Variants in LMX1A observed in about 807,000 individuals in gnomAD.
LMX1A encodes LIM homeobox transcription factor 1-alpha.
Under a neutral mutation model 49.1 loss-of-function variants are expected in LMX1A, and 15 were observed. The ratio of observed to expected loss-of-function variants is 0.31; its 90% CI spans 0.20 to 0.47. LMX1A has a LOEUF of 0.47. Among genes scored for constraint, LMX1A ranks in the 20% least tolerant of loss-of-function variants. The pLI is 1.00. For synonymous variants in LMX1A, 167 were observed against 185.7 expected, an observed-to-expected ratio of 0.90 and a Z score of 0.82; for missense variants, 372 against 475.8, an observed-to-expected ratio of 0.78 and a Z score of 2.03.
intron 4 of LMX1A, among the ~76,000 whole-genome samples, chr1:165,245,539 CT>C (rs1652817822): frequency 5.1e-5 from 1 of 19,570 alleles, no homozygotes; most frequent in East Asian, 4.7e-4. Flanking sequence ...AAGCTAATTA[CT>C]CTCCTCAAGA....
At chr1:165,251,975 G>T (rs543439085) in intron 3 of LMX1A, among the ~76,000 whole-genome samples, 1 of 152,198 alleles carries the variant, frequency 6.6e-6, no homozygotes, top group Non-Finnish European at 1.5e-5. Flanking sequence ...TGTTTAGCCC[G>T]CCCCTTCATA....
chr1:165,317,362 G>A (rs958935019), intron 3 of LMX1A, among the ~76,000 whole-genome samples: 2 of 152,206 alleles, frequency 1.3e-5, no homozygotes, highest in Non-Finnish European at 2.9e-5. Context: ...GCAGCAGGAT[G>A]AATAAATTGC....
chr1:165,286,730 C>T (rs962760224), intron 3 of LMX1A, among the ~76,000 whole-genome samples: 2 of 152,080 alleles, frequency 1.3e-5, no homozygotes, highest in Admixed American at 6.6e-5. Flanking sequence ...GTAAATTACC[C>T]GAAATCATAT....
intron 3 of LMX1A, among the ~76,000 whole-genome samples, chr1:165,318,719 T>A (rs1053985622): frequency 6.6e-6 from 1 of 152,078 alleles, no homozygotes; most frequent in African/African-American, 2.4e-5. Flanking sequence ...GGCCCTACAC[T>A]CTTCTTGCCT....
intron 3 of LMX1A, among the ~76,000 whole-genome samples, chr1:165,297,603 T>C (rs1412626724): frequency 6.6e-6 from 1 of 152,170 alleles, no homozygotes; most frequent in Non-Finnish European, 1.5e-5. Context: ...GGGATCAGGA[T>C]GGGCTAGTGG....
intron 3 of LMX1A, among the ~76,000 whole-genome samples, chr1:165,254,371 T>C (rs1653158233): frequency 6.6e-6 from 1 of 152,142 alleles, no homozygotes; most frequent in African/African-American, 2.4e-5. Context: ...GAAATGGTCA[T>C]GGTCACTGGG....
rs922952769 is a variant in LMX1A at position 165,315,404 on chromosome 1, A to G, written c.263+37672T>C. Among the ~76,000 whole-genome samples, 7 of 152,240 alleles carry G rather than the reference A, an allele frequency of 4.6e-5. 1 individual carries two copies. The highest frequency in any genetic ancestry group is 7.3e-5 in the Non-Finnish European group (5 of 68,042). On this transcript the variant is annotated intron_variant, in intron 3 of 8. Coordinates refer to ENST00000342310, the MANE Select transcript of LMX1A (RefSeq NM_177398.4). Reference sequence around the variant, plus strand: ...CCTTGGTTTAAAGCCCCCCAGGCCCAGCACATCAGCACAGGAACTTCGGAA... The same window carrying G: ...CCTTGGTTTAAAGCCCCCCAGGCCCGGCACATCAGCACAGGAACTTCGGAA...
intron 3 of LMX1A, among the ~76,000 whole-genome samples, chr1:165,289,696 G>A (rs936251522): frequency 6.6e-6 from 1 of 152,246 alleles, no homozygotes; most frequent in Non-Finnish European, 1.5e-5. Context: ...AGTCTGGTTG[G>A]AGGATTGGCT....
In LMX1A at chr1:165,337,759, C is replaced by G. The variant is rs189329929; in HGVS notation, c.263+15317G>C. ...ATATGGGTTGGGTTCTCAAAGACAC[C>G]AAGAGGAGTTGACTCAGTTTTAGTT... is the stretch of plus-strand genomic sequence containing the variant. On this transcript the variant is annotated intron_variant, in intron 3 of 8. Transcript: ENST00000342310. Among the ~76,000 whole-genome samples, 36 of 152,190 alleles carry G rather than the reference C, an allele frequency of 2.4e-4. No homozygotes were observed. The East Asian group carries it at 6.9e-3, about 29-fold the overall frequency.
intron 3 of LMX1A, among the ~76,000 whole-genome samples, chr1:165,319,290 A>G (rs1410403911): frequency 1.3e-5 from 2 of 152,200 alleles, no homozygotes; most frequent in African/African-American, 2.4e-5. Context: ...ATGATGTGCA[A>G]ATGAATAAAC....
At chr1:165,291,355 T>G (rs1185322993) in intron 3 of LMX1A, among the ~76,000 whole-genome samples, 1 of 152,196 alleles carries the variant, frequency 6.6e-6, no homozygotes, top group Non-Finnish European at 1.5e-5. Flanking sequence ...AGCAGATACC[T>G]GTACCTGGCT....
intron 3 of LMX1A, among the ~76,000 whole-genome samples, chr1:165,279,319 A>C (rs1330261543): frequency 6.6e-6 from 1 of 152,224 alleles, no homozygotes. Flanking sequence ...ACAGGCCTCA[A>C]GTTTGTTTCC....
chr1:165,232,393 G>A (rs973732795), intron 4 of LMX1A, among the ~76,000 whole-genome samples: 1 of 152,204 alleles, frequency 6.6e-6, no homozygotes, highest in Non-Finnish European at 1.5e-5. Context: ...CTCTTGAAGG[G>A]AAAACCAGGG....
At chr1:165,251,291 T>C (rs10918142) in intron 3 of LMX1A, among the ~76,000 whole-genome samples, 61,150 of 151,880 alleles carry the variant, frequency 0.4, 12,539 homozygotes, top group East Asian at 0.56. Flanking sequence ...CCATGTTGGT[T>C]AGGCTGGTCT....
intron 3 of LMX1A, among the ~76,000 whole-genome samples, chr1:165,336,421 G>T (rs1655900916): frequency 6.6e-6 from 1 of 152,168 alleles, no homozygotes; most frequent in African/African-American, 2.4e-5. Context: ...CCCAAAGAGA[G>T]CCCGCAAATA....
At chr1:165,239,162 T>C (rs958517583) in intron 4 of LMX1A, among the ~76,000 whole-genome samples, 7 of 152,240 alleles carry the variant, frequency 4.6e-5, no homozygotes, top group Admixed American at 3.9e-4. Context: ...TAACACACTA[T>C]TGCTGATTAA....
intron 3 of LMX1A, among the ~76,000 whole-genome samples, chr1:165,296,949 C>T (rs1331140355): frequency 1.1e-4 from 16 of 152,204 alleles, no homozygotes; most frequent in Admixed American, 1.0e-3. Flanking sequence ...TAACAAGTTC[C>T]TTGGATGAGT....
At chr1:165,261,176 G>C (rs114455195) in intron 3 of LMX1A, among the ~76,000 whole-genome samples, 1 of 152,118 alleles carries the variant, frequency 6.6e-6, no homozygotes, top group Admixed American at 6.5e-5. Context: ...CAGATGTCTC[G>C]AGAACCCCAT....
At chr1:165,330,786 G>A (rs1041734791) in intron 3 of LMX1A, among the ~76,000 whole-genome samples, 1 of 152,150 alleles carries the variant, frequency 6.6e-6, no homozygotes, top group African/African-American at 2.4e-5. Context: ...AAACACAGCA[G>A]CTAGAAAGTG....
Sources: allele counts gnomAD v4.1 joint callset (sites outside exome capture counted in the v4.1 genomes callset), GRCh38; gene constraint gnomAD v4.1.1; transcripts MANE v1.5; gene names NCBI Gene and HGNC (gene_info 2026-07-23, HGNC 2026-07-21).